PLK5: variants seen among roughly 807,000 people sequenced by gnomAD.
The protein encoded by PLK5 is polo like kinase 5 (inactive).
In PLK5, 28 loss-of-function variants were observed where a neutral mutation model predicts 33.7. The observed-to-expected ratio is 0.83, with a 90% CI of 0.62 to 1.14. PLK5 has a LOEUF of 1.14. PLK5 is among the 50% of genes most tolerant of loss of function. PLK5 has a pLI of 0.00. For synonymous variants in PLK5, 225 were observed against 202.2 expected (o/e 1.11, Z -0.96); for missense variants, 492 against 461.5 (o/e 1.07, Z -0.61).
In PLK5 at chr19:1,531,793, G is replaced by A. The variant is rs1184226179; in HGVS notation, c.624G>A (p.Val208=). 5.2e-6 allele frequency: 8 copies of A among 1,535,544 alleles called. No homozygotes were observed. The highest frequency in any genetic ancestry group is 7.0e-6 in the Non-Finnish European group (8 of 1,146,662). Residue 208 remains valine (V), a synonymous_variant, in exon 12 of 14, where the codon GTG becomes GTA. Transcript: ENST00000454744. ...CCATCCTCTGGGCCCCCAAATGGGT[G>A]GATTATTCCAGCAAATACGGCTTTG... ...QQPILWAPKW[V]DYSSKYGFGY...
chr19:1,531,761 C>T lies in PLK5; in HGVS notation c.592C>T (p.Gln198Ter). 1 of 1,536,336 alleles carries T rather than the reference C, an allele frequency of 6.5e-7. No homozygotes were observed. The highest frequency in any genetic ancestry group is 2.4e-5 in the East Asian group (1 of 40,888). Residue 198 changes from glutamine to a stop codon, truncating the protein, a stop_gained, in exon 12 of 14, where the codon CAG (glutamine) becomes TAG (stop). Transcript: ENST00000454744. LOFTEE classifies it high-confidence loss of function. ...PPATQDPLGE[Q>*]QPILWAPKWV... is the part of the protein sequence containing the mutation. ...AGCCACACAGGACCCCCTGGGAGAG[C>T]AGCAGCCCATCCTCTGGGCCCCCAA...
At position 1,536,010 on chromosome 19, in the gene PLK5, C is replaced by G. The variant is rs1053568187; in HGVS notation, c.*760C>G. On this transcript the variant is annotated 3_prime_UTR_variant, in exon 14 of 14. Coordinates refer to ENST00000454744, the MANE Select transcript of PLK5 (RefSeq NM_001243079.2). ...AAAGATGGCTGGCTATGCTCCGGGACACAGTTGGCACAACCGTCACCTGTG... is the reference window on the plus strand; with the variant it reads ...AAAGATGGCTGGCTATGCTCCGGGAGACAGTTGGCACAACCGTCACCTGTG... 1 of 152,422 alleles carries G rather than the reference C, an allele frequency of 6.6e-6. No homozygotes were observed. Among genetic ancestry groups the G allele is most frequent in the Non-Finnish European group, 1.5e-5 (1 of 68,278 alleles). 9.4% of individuals were successfully genotyped at this position (152,422 alleles called of 1,614,324 possible).
At chr19:1,535,025 G>C (rs1238781404) in intron 13 of PLK5, 40 bp from the exon 14 acceptor site, 1 of 1,463,700 alleles carries the variant, frequency 6.8e-7, no homozygotes, top group African/African-American at 1.4e-5. Context: ...CAGGTGCAGG[G>C]GTACCCGTCT....
chr19:1,533,815 C>G (rs879797822), intron 12 of PLK5, 116 bp from the exon 13 acceptor site: 24 of 809,870 alleles, frequency 3.0e-5, no homozygotes, highest in Non-Finnish European at 4.7e-5. Flanking sequence ...TGCTGCAGCT[C>G]TTTGCCGGCT....
chr19:1,534,422 G>A (rs556440993), intron 13 of PLK5, among the ~76,000 whole-genome samples: 92 of 150,748 alleles, frequency 6.1e-4, no homozygotes, highest in African/African-American at 2.1e-3. Flanking sequence ...CAGGAGAATC[G>A]CTTGAACCTG....
intron 11 of PLK5, 79 bp from the exon 12 acceptor site, chr19:1,531,659 C>T: frequency 6.8e-7 from 1 of 1,474,758 alleles, no homozygotes; most frequent in Non-Finnish European, 9.0e-7. Flanking sequence ...CCCATGGTTT[C>T]AGTCCATCAC....
chr19:1,527,370 G>A (rs1913772071), intron 6 of PLK5, among the ~76,000 whole-genome samples: 2 of 152,138 alleles, frequency 1.3e-5, no homozygotes, highest in African/African-American at 4.8e-5. Flanking sequence ...GGGAGGCCGA[G>A]GCAGGAGGAT....
chr19:1,528,142 G>A lies in PLK5; in HGVS notation c.201+8G>A, dbSNP rs757933848. ...GACGACTTCTTCACACAGGTGGGCGGCGGTCCTCGGCGTGGGGTCCCTGGC... is the reference window on the plus strand; with the variant it reads ...GACGACTTCTTCACACAGGTGGGCGACGGTCCTCGGCGTGGGGTCCCTGGC... On this transcript the variant is annotated splice_region_variant and intron_variant, in intron 7 of 13. Coordinates refer to ENST00000454744, the MANE Select transcript of PLK5 (RefSeq NM_001243079.2). 4 of 1,534,040 alleles carry A rather than the reference G, an allele frequency of 2.6e-6. No homozygotes were observed. The Middle Eastern group carries it at 5.0e-4, about 193-fold the overall frequency.
chr19:1,529,917 T>TG, intron 11 of PLK5, 93 bp downstream of exon 11: 1 of 1,342,882 alleles, frequency 7.4e-7, no homozygotes, highest in Non-Finnish European at 1.0e-6. Flanking sequence ...TGGGTATTTC[T>TG]GGGGGTGAGG....
intron 5 of PLK5, 45 bp downstream of exon 5, chr19:1,526,836 A>G: frequency 1.1e-6 from 1 of 889,164 alleles, no homozygotes; most frequent in Non-Finnish European, 1.8e-6. Context: ...CCGGGTGGGC[A>G]CGGCTGGCCC....
Position 1,533,937 on chromosome 19 carries a change from A to C in PLK5, c.721A>C (p.Thr241Pro), listed in dbSNP as rs1398348590. ...CAGCCGAGTCTGTCCACAGGAGGGG[A>C]CCCTCCCCACACCTGTGCCACCTGC... Reference protein sequence around the residue: ...HGPATPRREGTLPTPVPPAGP... With the variant: ...HGPATPRREGPLPTPVPPAGP... Residue 241 changes from threonine to proline, a missense_variant, in exon 13 of 14, where the codon ACC (threonine) becomes CCC (proline). Coordinates refer to ENST00000454744, the MANE Select transcript of PLK5 (RefSeq NM_001243079.2). 19 of 1,532,804 alleles carry C rather than the reference A, an allele frequency of 1.2e-5. No homozygotes were observed. In the East Asian group the frequency reaches 4.4e-4, roughly 36 times the overall value. The allele number at this position is 1,532,804 out of a possible 1,614,324, so 95.0% of individuals were successfully genotyped here. A position where few individuals can be genotyped will look rare whatever the true frequency, so the allele number is the denominator to read the frequency against.
intron 6 of PLK5, among the ~76,000 whole-genome samples, 162 bp from the exon 7 acceptor site, chr19:1,527,774 T>A (rs1417657761): frequency 2.0e-5 from 3 of 151,878 alleles, no homozygotes; most frequent in Admixed American, 2.0e-4. Flanking sequence ...CCAAGCAGCG[T>A]GCATGGGACT....
chr19:1,532,302 G>A (rs1913953869), intron 12 of PLK5, among the ~76,000 whole-genome samples: 1 of 152,046 alleles, frequency 6.6e-6, no homozygotes, highest in Admixed American at 6.6e-5. Flanking sequence ...GCACGTTGGA[G>A]GCTGAGGTGC....
At chr19:1,529,327 C>A in intron 9 of PLK5, 79 bp from the exon 10 acceptor site, 3 of 1,282,570 alleles carry the variant, frequency 2.3e-6, no homozygotes, top group Non-Finnish European at 3.3e-6. Context: ...CAGGCAGGGG[C>A]CAGAGCCTGC....
chr19:1,525,862 C>T (rs1221617731), intron 3 of PLK5, among the ~76,000 whole-genome samples, 151 bp downstream of exon 3: 1 of 152,184 alleles, frequency 6.6e-6, no homozygotes, highest in Non-Finnish European at 1.5e-5. Flanking sequence ...TACGTAGGGC[C>T]AATTGTGTCC....
chr19:1,526,880 G>A, intron 5 of PLK5, 23 bp from the exon 6 acceptor site: 2 of 1,288,526 alleles, frequency 1.6e-6, no homozygotes, highest in Non-Finnish European at 2.2e-6. Context: ...GCCTTCCTGA[G>A]CCCCCCATGA....
rs753724024 is a variant in PLK5, at chr19:1,535,745, C to T, written c.*495C>T. ...AAAAAATTAGCTGGGCATGGTGGCA[C>T]GTGCCTGTAGTCCCAGCTACTTGGG... On this transcript the variant is annotated 3_prime_UTR_variant, in exon 14 of 14. Transcript: ENST00000454744. 79 of 168,164 alleles carry T rather than the reference C, an allele frequency of 4.7e-4. No homozygotes were observed. The highest frequency in any genetic ancestry group is 2.7e-3 in the Middle Eastern group (1 of 370). The allele number at this position is 168,164 out of a possible 1,614,324, so 10.4% of individuals were successfully genotyped here. A position where few individuals can be genotyped will look rare whatever the true frequency, so the allele number is the denominator to read the frequency against.
In PLK5 at chr19:1,534,025, G is replaced by A; in HGVS notation, c.809G>A (p.Ser270Asn). The A allele has an allele frequency of 6.5e-7, 1 of 1,535,716 alleles. No individual in the cohort carries two copies. Among genetic ancestry groups the A allele is most frequent in the Non-Finnish European group, 8.7e-7 (1 of 1,146,760 alleles). ...ASEHALLLLFSNGMVQVSFSG... is the reference protein window; with the variant it reads ...ASEHALLLLFNNGMVQVSFSG... Reference sequence around the variant, plus strand: ...GAGCACGCCCTGCTGCTGCTGTTCAGCAATGGGATGGTGCAGGTGAGCCCG... The same window carrying A: ...GAGCACGCCCTGCTGCTGCTGTTCAACAATGGGATGGTGCAGGTGAGCCCG... Residue 270 changes from serine (S) to asparagine (N), a missense_variant, in exon 13 of 14, where the codon AGC becomes AAC. By Grantham distance (46) the Ser-to-Asn change is conservative. Transcript: ENST00000454744.
In PLK5 at chr19:1,529,474, G is replaced by C; in HGVS notation, c.474G>C (p.Leu158=). The C allele has an allele frequency of 2.0e-6, 3 of 1,535,938 alleles. No individual in the cohort carries two copies. Among genetic ancestry groups the C allele is most frequent in the Non-Finnish European group, 2.6e-6 (3 of 1,146,790 alleles). ...GPIHLVAQGT[L]QSDLAGPEGS... ...TCCACCTGGTCGCACAAGGGACCCT[G>C]CAGAGTGACCTGGCCGGTGAGCAGA... The change falls in exon 10 of 14, where the codon CTG becomes CTC. Residue 158 remains leucine, a synonymous_variant. Coordinates refer to ENST00000454744, the MANE Select transcript of PLK5 (RefSeq NM_001243079.2).
Sources: allele counts gnomAD v4.1 joint callset (sites outside exome capture counted in the v4.1 genomes callset), GRCh38; gene constraint gnomAD v4.1.1; transcripts MANE v1.5; gene names NCBI Gene and HGNC (gene_info 2026-07-23, HGNC 2026-07-21).